PHIP: variants seen among roughly 807,000 people sequenced by gnomAD.
PHIP encodes the protein PHIP subunit of CUL4-Ring ligase complex, also known as PH-interacting protein.
PHIP carries 54 observed loss-of-function variants against 236.8 expected under a neutral mutation model. The ratio of observed to expected loss-of-function variants is 0.23; its 90% CI spans 0.18 to 0.29. The LOEUF is 0.29. Among genes scored for constraint, PHIP ranks in the 10% least tolerant of loss-of-function variants. The pLI, the probability that PHIP is intolerant of heterozygous loss-of-function variation, is 1.00. For synonymous variants in PHIP, 756 were observed against 718.9 expected, an observed-to-expected ratio of 1.05 and a Z score of -0.83; for missense variants, 1,370 against 2,190.8, an observed-to-expected ratio of 0.63 and a Z score of 7.48.
chr6:78,982,819 A>C, intron 23 of PHIP, 67 bp downstream of exon 23: 1 of 893,608 alleles, frequency 1.1e-6, no homozygotes, highest in South Asian at 1.8e-5. Context: ...GATCAATTGT[A>C]CTTCAAGATG....
intron 15 of PHIP, among the ~76,000 whole-genome samples, chr6:79,009,015 C>A (rs1770438710): frequency 6.7e-6 from 1 of 150,124 alleles, no homozygotes; most frequent in Non-Finnish European, 1.5e-5. Context: ...TACAAATTTC[C>A]TACCAACTAC....
At chr6:78,951,891 T>C (rs1774178391) in intron 35 of PHIP, among the ~76,000 whole-genome samples, 3 of 152,200 alleles carry the variant, frequency 2.0e-5, no homozygotes, top group South Asian at 4.1e-4. Context: ...TACAAATAAA[T>C]AGCTATAAAT....
At chr6:78,978,734 T>C in intron 23 of PHIP, 23 bp from the exon 24 acceptor site, 1 of 1,568,194 alleles carries the variant, frequency 6.4e-7, no homozygotes, top group Non-Finnish European at 8.7e-7. Flanking sequence ...AAGTAATAAT[T>C]GTTAAGTAAT....
intron 15 of PHIP, 109 bp from the exon 16 acceptor site, chr6:79,003,967 G>A (rs1770148659): frequency 3.1e-6 from 2 of 649,604 alleles, no homozygotes; most frequent in Admixed American, 7.4e-5. Flanking sequence ...ATGAAGTGAA[G>A]ATTAAGTAAA....
intron 27 of PHIP, 39 bp downstream of exon 27, chr6:78,969,796 C>A (rs777446739): frequency 1.7e-5 from 16 of 942,400 alleles, no homozygotes; most frequent in Middle Eastern, 4.4e-4. Context: ...GAAAAAAAAA[C>A]CACATCAAAC....
intron 9 of PHIP, among the ~76,000 whole-genome samples, chr6:79,020,608 A>G (rs1771067235): frequency 6.6e-6 from 1 of 152,228 alleles, no homozygotes; most frequent in African/African-American, 2.4e-5. Flanking sequence ...GAAACTCATT[A>G]CAAAAATATG....
chr6:78,982,636 T>C (rs1768613452), intron 23 of PHIP, among the ~76,000 whole-genome samples: 1 of 152,130 alleles, frequency 6.6e-6, no homozygotes, highest in Non-Finnish European at 1.5e-5. Context: ...TCTGATCTTT[T>C]TAAGGTTAAA....
chr6:78,984,422 C>T (rs557602835), intron 22 of PHIP, among the ~76,000 whole-genome samples: 1 of 149,922 alleles, frequency 6.7e-6, no homozygotes, highest in East Asian at 2.0e-4. Context: ...CTCTGGAGTA[C>T]TTGGCTCTTA....
At chr6:78,982,519 T>C (rs1266660998) in intron 23 of PHIP, among the ~76,000 whole-genome samples, 1 of 152,004 alleles carries the variant, frequency 6.6e-6, no homozygotes, top group Non-Finnish European at 1.5e-5. Context: ...GCAATAACAA[T>C]TAATAAGGAT....
Position 79,077,727 on chromosome 6 carries a change from C to G in PHIP, c.102G>C (p.Val34=). Residue 34 remains valine (V), a splice_region_variant and synonymous_variant, in exon 3 of 40, where the codon GTG becomes GTC. Transcript: ENST00000275034. ...CCTTCTCGGCCACCTCGCGGATCAGCACCTGCAACAACAAAGCGGGGAGAG... is the reference window on the plus strand; with the variant it reads ...CCTTCTCGGCCACCTCGCGGATCAGGACCTGCAACAACAAAGCGGGGAGAG... ...EDGPCQQAAQ[V]LIREVAEKEL... The G allele has an allele frequency of 9.9e-7, 1 of 1,013,414 alleles. No homozygotes were observed. The allele number at this position is 1,013,414 out of a possible 1,614,324, so 62.8% of individuals were successfully genotyped here.
intron 6 of PHIP, among the ~76,000 whole-genome samples, chr6:79,051,909 TAA>T (rs1405396920): frequency 6.6e-6 from 1 of 150,834 alleles, no homozygotes; most frequent in Non-Finnish European, 1.5e-5. Context: ...AAACATTTTT[TAA>T]GTTAGGTGGT....
chr6:78,965,888 G>A, intron 28 of PHIP, 57 bp downstream of exon 28: 1 of 1,313,344 alleles, frequency 7.6e-7, no homozygotes, highest in Non-Finnish European at 1.1e-6. Context: ...TTAATAGATG[G>A]AAAAAAAAAT....
At position 78,955,663 on chromosome 6, in the gene PHIP, T is replaced by C. The variant is rs766106290; in HGVS notation, c.3802A>G (p.Ile1268Val). Residue 1268 changes from isoleucine (I) to valine (V), a missense_variant, in exon 33 of 40, where the codon ATA (isoleucine) becomes GTA (valine). Physicochemically the swap from Ile to Val is conservative, Grantham distance 29. This residue lies in a region of PHIP where 38 missense variants were observed against 27.6 expected (regional missense o/e 1.38). Coordinates refer to ENST00000275034, the MANE Select transcript of PHIP (RefSeq NM_017934.7). ...TTCATTGAATTATAAAGTGGAATTA[T>C]GTTATAACAAGTCTGATCCCTACAT... ...HFIKDQTCYN[I>V]IPLYNSMKKK... The C allele has an allele frequency of 9.2e-7, 1 of 1,084,022 alleles. No homozygotes were observed. Among genetic ancestry groups the C allele is most frequent in the Admixed American group, 1.8e-5 (1 of 54,478 alleles). 67.2% of individuals were successfully genotyped at this position (1,084,022 alleles called of 1,614,324 possible).
Position 78,937,321 on chromosome 6 carries a change from T to A in PHIP, c.*3372A>T. On this transcript the variant is annotated 3_prime_UTR_variant, in exon 40 of 40. Transcript: ENST00000275034. ...AAGTAAACATTGTTAACTGGAGAAA[T>A]TAATTTATATTACAAATCATATCTG... 1.3e-5 allele frequency: 2 copies of A among 151,800 alleles called. No individual in the cohort carries two copies. The highest frequency in any genetic ancestry group is 1.3e-4 in the Admixed American group (2 of 15,266). 9.4% of individuals were successfully genotyped at this position (151,800 alleles called of 1,614,324 possible).
At chr6:78,992,098 G>A (rs1222343075) in intron 19 of PHIP, among the ~76,000 whole-genome samples, 1 of 151,504 alleles carries the variant, frequency 6.6e-6, no homozygotes, top group Admixed American at 6.6e-5. Context: ...GAGTAGCTGG[G>A]ACTACATGCG....
At chr6:78,947,472 G>T in intron 36 of PHIP, 151 bp downstream of exon 36, 1 of 526,688 alleles carries the variant, frequency 1.9e-6, no homozygotes, top group Non-Finnish European at 3.3e-6. Context: ...GAGCTGAGTA[G>T]AAAGGTATAA....
At chr6:78,941,534 G>T (rs923455841) in intron 39 of PHIP, among the ~76,000 whole-genome samples, 2 of 152,028 alleles carry the variant, frequency 1.3e-5, no homozygotes, top group African/African-American at 4.8e-5. Context: ...GATTCTTAAC[G>T]ATCTCATGAG....
At position 79,055,163 on chromosome 6, in the gene PHIP, G is replaced by A. The variant is rs115163891; in HGVS notation, c.439+5315C>T. On this transcript the variant is annotated intron_variant, in intron 6 of 39. Transcript: ENST00000275034. ...AATACTTAGGCAAAACACCAAAAAC[G>A]ATGACAAATGAAAGACCTAGAGATA... Among the ~76,000 whole-genome samples, 967 of 152,044 alleles carry A rather than the reference G, an allele frequency of 6.4e-3. 19 individuals are homozygous for A. The highest frequency in any genetic ancestry group is 0.022 in the African/African-American group (909 of 41,516).
At chr6:78,971,175 A>G (rs1767517782) in intron 24 of PHIP, among the ~76,000 whole-genome samples, 2 of 152,208 alleles carry the variant, frequency 1.3e-5, no homozygotes, top group South Asian at 4.1e-4. Context: ...TCTATGTTGC[A>G]TAATAACGTT....
Sources: gnomAD v4.1 joint callset for allele counts (sites outside exome capture counted in the v4.1 genomes callset) on GRCh38, gnomAD v4.1.1 for gene constraint, gnomAD v4.1.1 regional missense constraint, MANE v1.5 for transcripts, NCBI Gene and HGNC (gene_info 2026-07-23, HGNC 2026-07-21) for gene names.